The following SGK3 variants were observed in gnomAD, a reference collection of about 807,000 sequenced individuals.
SGK3 encodes the protein serum/glucocorticoid regulated kinase family member 3, also known as serine/threonine-protein kinase Sgk3.
SGK3 carries 47 observed loss-of-function variants against 68.5 expected under a neutral mutation model. The ratio of observed to expected loss-of-function variants is 0.69; its 90% CI spans 0.54 to 0.87. The LOEUF is 0.87. SGK3 is among the 40% of genes least tolerant of loss of function. SGK3 has a pLI of 0.00. For synonymous variants in SGK3, 181 were observed against 189.1 expected (o/e 0.96, Z 0.35); for missense variants, 479 against 575.5 (o/e 0.83, Z 1.72).
Position 66,859,418 on chromosome 8 carries a change from C to A in SGK3, c.1328C>A (p.Pro443Gln). ...GTGCTTTTGATGTTTTAGGCTGGACCAGATGATATCAGAAACTTTGACACA... is the reference window on the plus strand; with the variant it reads ...GTGCTTTTGATGTTTTAGGCTGGACAAGATGATATCAGAAACTTTGACACA... ...PPPFNPNVAG[P>Q]DDIRNFDTAF... The change falls in exon 17 of 17, where the codon CCA becomes CAA. Residue 443 changes from proline to glutamine, a missense_variant. Transcript: ENST00000521198. 1 of 1,605,960 alleles carries A rather than the reference C, an allele frequency of 6.2e-7. No homozygotes were observed. Among genetic ancestry groups the A allele is most frequent in the Non-Finnish European group, 8.5e-7 (1 of 1,174,658 alleles).
chr8:66,838,348 G>A (rs769644943), intron 10 of SGK3, among the ~76,000 whole-genome samples: 1 of 152,162 alleles, frequency 6.6e-6, no homozygotes, highest in Admixed American at 6.5e-5. Flanking sequence ...AAAGGCGTGA[G>A]CGACCGCACC....
At chr8:66,723,834 A>G (rs189997031) in intron 1 of SGK3, among the ~76,000 whole-genome samples, 1 of 152,304 alleles carries the variant, frequency 6.6e-6, no homozygotes, top group East Asian at 1.9e-4. Context: ...TTCTGACACA[A>G]GTACCTTTCT....
At chr8:66,780,676 G>T (rs1468439089) in intron 1 of SGK3, among the ~76,000 whole-genome samples, 1 of 152,136 alleles carries the variant, frequency 6.6e-6, no homozygotes, top group Admixed American at 6.6e-5. Flanking sequence ...GAGGCGAGAG[G>T]CCCTGGTGGG....
chr8:66,719,755 G>A (rs1327407218), intron 1 of SGK3, among the ~76,000 whole-genome samples: 1 of 151,984 alleles, frequency 6.6e-6, no homozygotes, highest in East Asian at 1.9e-4. Context: ...ATACCATTTT[G>A]AGTCTTTTAA....
chr8:66,833,369 A>G (rs561199585), intron 8 of SGK3, among the ~76,000 whole-genome samples: 3 of 152,048 alleles, frequency 2.0e-5, no homozygotes, highest in Non-Finnish European at 4.4e-5. Flanking sequence ...TTTTCTGTTC[A>G]TTGGCCTATC....
In SGK3 at chr8:66,822,557, C is replaced by T. The variant is rs994826778; in HGVS notation, c.417+98C>T. 3.5e-6 allele frequency: 4 copies of T among 1,151,644 alleles called. No homozygotes were observed. In the Admixed American group the frequency reaches 6.7e-5, roughly 19 times the overall value. The allele number at this position is 1,151,644 out of a possible 1,614,324, so 71.3% of individuals were successfully genotyped here. A position where few individuals can be genotyped will look rare whatever the true frequency, so the allele number is the denominator to read the frequency against. On this transcript the variant is annotated intron_variant, in intron 6 of 16. Coordinates refer to ENST00000521198, the MANE Select transcript of SGK3 (RefSeq NM_001033578.3). ...TTACTTCAAATGAAGTAATTTCATC[C>T]ATAGTAGAGTTTCTACTATGTAGAA...
chr8:66,846,713 A>C (rs929560565), intron 14 of SGK3, among the ~76,000 whole-genome samples: 1 of 152,206 alleles, frequency 6.6e-6, no homozygotes, highest in Non-Finnish European at 1.5e-5. Flanking sequence ...TGGCATTTTT[A>C]ATTCTGCAAA....
intron 1 of SGK3, among the ~76,000 whole-genome samples, chr8:66,774,583 A>C (rs887644325): frequency 1.4e-4 from 22 of 152,124 alleles, no homozygotes; most frequent in Admixed American, 2.6e-4. Context: ...ACCTTAGAGT[A>C]GCACACTACG....
chr8:66,818,767 A>G (rs1252241029), intron 5 of SGK3, among the ~76,000 whole-genome samples: 1 of 152,210 alleles, frequency 6.6e-6, no homozygotes, highest in Non-Finnish European at 1.5e-5. Context: ...TTGCTGTATA[A>G]TGTTCCATTG....
intron 1 of SGK3, among the ~76,000 whole-genome samples, chr8:66,781,883 G>C (rs1210009610): frequency 6.6e-6 from 1 of 152,184 alleles, no homozygotes; most frequent in Non-Finnish European, 1.5e-5. Context: ...ATTAGAGGAA[G>C]GATGTATCAG....
intron 3 of SGK3, among the ~76,000 whole-genome samples, chr8:66,802,380 T>C (rs913619733): frequency 1.3e-5 from 2 of 149,492 alleles, no homozygotes; most frequent in Non-Finnish European, 2.9e-5. Context: ...TATTTTAAAC[T>C]TTTTATTATA....
chr8:66,756,636 G>A (rs1344729855), intron 1 of SGK3, among the ~76,000 whole-genome samples: 4 of 136,338 alleles, frequency 2.9e-5, no homozygotes, highest in Non-Finnish European at 6.1e-5. Flanking sequence ...CTGGAGTGCA[G>A]TGGTGCGAAT....
intron 1 of SGK3, chr8:66,767,263 C>T: frequency 1.7e-6 from 1 of 590,000 alleles, no homozygotes; most frequent in Non-Finnish European, 2.9e-6. Flanking sequence ...CCTTTGTTCC[C>T]TTATTAGTTA....
intron 1 of SGK3, among the ~76,000 whole-genome samples, chr8:66,790,258 G>A (rs1807387725): frequency 6.6e-6 from 1 of 152,146 alleles, no homozygotes; most frequent in African/African-American, 2.4e-5. Context: ...TCTTTCTGGG[G>A]TCTTTTGGGT....
At chr8:66,715,239 A>AGCTT (rs1171696212) in intron 1 of SGK3, among the ~76,000 whole-genome samples, 2 of 149,616 alleles carry the variant, frequency 1.3e-5, no homozygotes, top group African/African-American at 2.5e-5. Context: ...TTATGTTGAC[A>AGCTT]GCTTGCTTTC....
chr8:66,747,716 C>G (rs1805692708), intron 1 of SGK3, among the ~76,000 whole-genome samples: 1 of 152,070 alleles, frequency 6.6e-6, no homozygotes, highest in Non-Finnish European at 1.5e-5. Flanking sequence ...TGCCACCACG[C>G]CTGGCTAATT....
intron 1 of SGK3, among the ~76,000 whole-genome samples, chr8:66,757,673 G>T (rs1031523488): frequency 6.6e-6 from 1 of 151,700 alleles, no homozygotes; most frequent in Non-Finnish European, 1.5e-5. Flanking sequence ...CCAGCACTTT[G>T]GGGGGCTGAG....
At chr8:66,735,013 C>G (rs1323821198) in intron 1 of SGK3, among the ~76,000 whole-genome samples, 3 of 151,254 alleles carry the variant, frequency 2.0e-5, no homozygotes, top group African/African-American at 7.3e-5. Flanking sequence ...ATTCACATAA[C>G]TTTTTTTACT....
At chr8:66,822,653 C>G (rs1585770007) in intron 6 of SGK3, among the ~76,000 whole-genome samples, 194 bp downstream of exon 6, 1 of 152,162 alleles carries the variant, frequency 6.6e-6, no homozygotes, top group South Asian at 2.1e-4. Context: ...GAGTCTCACT[C>G]TGTCACCCAG....
Sources: allele counts gnomAD v4.1 joint callset (sites outside exome capture counted in the v4.1 genomes callset), GRCh38; gene constraint gnomAD v4.1.1; transcripts MANE v1.5; gene names NCBI Gene and HGNC (gene_info 2026-07-23, HGNC 2026-07-21).